Variants in BLOC1S6 observed in about 807,000 individuals in gnomAD.
BLOC1S6 encodes the protein biogenesis of lysosomal organelles complex 1 subunit 6, also known as biogenesis of lysosome-related organelles complex 1 subunit 6.
BLOC1S6 carries 24 observed loss-of-function variants against 24.7 expected under a neutral mutation model. The ratio of observed to expected loss-of-function variants is 0.97; its 90% CI spans 0.70 to 1.37. The LOEUF is 1.37. Ranked by LOEUF, BLOC1S6 falls within the 40% of genes most tolerant of loss-of-function variation. BLOC1S6 has a pLI of 0.00. For missense variants in BLOC1S6, 175 were observed against 196.2 expected, an observed-to-expected ratio of 0.89 and a Z score of 0.64; for synonymous variants, 76 against 72.6, an observed-to-expected ratio of 1.05 and a Z score of -0.23.
rs1323554687 is a variant in BLOC1S6, at chr15:45,607,481, T to A, written c.*967T>A. 1 of 152,102 alleles carries A rather than the reference T, an allele frequency of 6.6e-6. No individual in the cohort carries two copies. The highest frequency in any genetic ancestry group is 1.5e-5 in the Non-Finnish European group (1 of 68,028). 9.4% of individuals were successfully genotyped at this position (152,102 alleles called of 1,614,324 possible). On this transcript the variant is annotated 3_prime_UTR_variant, in exon 5 of 5. Coordinates refer to ENST00000220531, the MANE Select transcript of BLOC1S6 (RefSeq NM_012388.4). ...ATATAGTTTCTGTGCTTGTAAAAAA[T>A]TCTTGAAGTGAGGCCGGGTGCGGTG...
intron 1 of BLOC1S6, 165 bp downstream of exon 1, chr15:45,587,690 GC>G: frequency 1.3e-6 from 1 of 752,636 alleles, no homozygotes; most frequent in African/African-American, 1.7e-5. Flanking sequence ...CGGCCCCTCT[GC>G]CCAGCGCAAT....
chr15:45,592,423 A>G (rs993736535), intron 2 of BLOC1S6, 147 bp downstream of exon 2: 20 of 1,001,172 alleles, frequency 2.0e-5, no homozygotes, highest in Non-Finnish European at 2.9e-5. Flanking sequence ...GCAGATGGGA[A>G]TAGAGGAGTA....
At chr15:45,591,783 C>T (rs1893895219) in intron 1 of BLOC1S6, among the ~76,000 whole-genome samples, 1 of 152,164 alleles carries the variant, frequency 6.6e-6, no homozygotes, top group African/African-American at 2.4e-5. Flanking sequence ...TAGACTTTAC[C>T]TTATAGTAGT....
intron 2 of BLOC1S6, 122 bp downstream of exon 2, chr15:45,592,398 A>T (rs746797749): frequency 8.2e-7 from 1 of 1,216,530 alleles, no homozygotes. Flanking sequence ...GAGTATGTCT[A>T]TATCTTTATT....
intron 3 of BLOC1S6, among the ~76,000 whole-genome samples, chr15:45,605,183 C>T (rs1033348721): frequency 1.3e-5 from 2 of 152,206 alleles, no homozygotes; most frequent in Admixed American, 6.5e-5. Flanking sequence ...CTATGCCCAT[C>T]TTAATATAAA....
rs773318930 is a variant in BLOC1S6, at chr15:45,587,403, C to T, written c.-41C>T. The T allele has an allele frequency of 1.3e-6, 2 of 1,532,020 alleles. No homozygotes were observed. The highest frequency in any genetic ancestry group is 4.9e-5 in the East Asian group (2 of 41,128). The allele number at this position is 1,532,020 out of a possible 1,614,324, so 94.9% of individuals were successfully genotyped here. A position where few individuals can be genotyped will look rare whatever the true frequency, so the allele number is the denominator to read the frequency against. On this transcript the variant is annotated 5_prime_UTR_variant, in exon 1 of 5. Transcript: ENST00000220531. Reference sequence around the variant, plus strand: ...TAGGTGCCGCCTTGCTTCTGACGAGCCACACGTTTGCTTCTTCCCTGTGTT... The same window carrying T: ...TAGGTGCCGCCTTGCTTCTGACGAGTCACACGTTTGCTTCTTCCCTGTGTT...
intron 1 of BLOC1S6, among the ~76,000 whole-genome samples, chr15:45,591,646 A>G (rs4598849): frequency 0.09 from 13,762 of 152,142 alleles, 2,133 homozygotes; most frequent in African/African-American, 0.32. Context: ...AAGTGCTAGG[A>G]TTACAGGTGT....
At chr15:45,597,528 A>T (rs1447855269) in intron 2 of BLOC1S6, among the ~76,000 whole-genome samples, 1 of 152,086 alleles carries the variant, frequency 6.6e-6, no homozygotes, top group Non-Finnish European at 1.5e-5. Flanking sequence ...TCTCTCTATT[A>T]TTTAGATTTT....
Position 45,588,066 on chromosome 15 carries a change from A to G in BLOC1S6, c.82+541A>G, listed in dbSNP as rs539804827. ...CCCAAAATGGTACTATTTATGTACC[A>G]TCCTTGGGAGAACTGAGAAAATGGT... On this transcript the variant is annotated intron_variant, in intron 1 of 4. Transcript: ENST00000220531. Among the ~76,000 whole-genome samples the G allele has an allele frequency of 7.9e-5, 12 of 152,346 alleles. No homozygotes were observed. In the South Asian group the frequency reaches 1.4e-3, roughly 18 times the overall value.
intron 2 of BLOC1S6, among the ~76,000 whole-genome samples, chr15:45,595,812 G>T (rs68044128): frequency 0.22 from 33,608 of 151,978 alleles, 5,583 homozygotes; most frequent in African/African-American, 0.47. Context: ...AGTTAATTTT[G>T]TTTGTTTGTT....
intron 3 of BLOC1S6, among the ~76,000 whole-genome samples, chr15:45,603,731 A>G (rs1413970298): frequency 6.6e-6 from 1 of 152,030 alleles, no homozygotes; most frequent in African/African-American, 2.4e-5. Flanking sequence ...CAAACAAACA[A>G]AAAGAGCGAA....
At chr15:45,599,408 T>C (rs1266900230) in intron 2 of BLOC1S6, 1 of 114,134 alleles carries the variant, frequency 8.8e-6, no homozygotes, top group Non-Finnish European at 1.6e-5. Flanking sequence ...ACCTACAACA[T>C]GGGAGAAAAT....
intron 2 of BLOC1S6, chr15:45,598,142 A>G (rs1894145671): frequency 6.5e-6 from 1 of 155,016 alleles, no homozygotes. Flanking sequence ...ACAACCCTTC[A>G]TGCTAAAAAC....
At chr15:45,587,258 T>C, upstream of BLOC1S6, 1 of 645,868 alleles carries the variant, frequency 1.5e-6, no homozygotes, top group Non-Finnish European at 2.8e-6. Flanking sequence ...CAGCGCGGGG[T>C]CCCCACAACG....
chr15:45,600,322 A>G (rs912628435), intron 2 of BLOC1S6, among the ~76,000 whole-genome samples: 1 of 151,080 alleles, frequency 6.6e-6, no homozygotes, highest in Non-Finnish European at 1.5e-5. Context: ...CCTAAAACTT[A>G]AAGTATAATA....
At chr15:45,589,517 C>T (rs748933209) in intron 1 of BLOC1S6, among the ~76,000 whole-genome samples, 20 of 152,358 alleles carry the variant, frequency 1.3e-4, no homozygotes, top group Non-Finnish European at 2.5e-4. Flanking sequence ...TTTTCTTAGA[C>T]TTCCCTAATG....
In BLOC1S6 at chr15:45,609,042, A is replaced by G. The variant is rs1229037599; in HGVS notation, c.*2528A>G. On this transcript the variant is annotated 3_prime_UTR_variant, in exon 5 of 5. Transcript: ENST00000220531. ...TCAGAATTGTATTTCAGTTTTGAAG[A>G]TTTAAAAAAAATGTGAAAATAAATA... 1 of 152,236 alleles carries G rather than the reference A, an allele frequency of 6.6e-6. No homozygotes were observed. The highest frequency in any genetic ancestry group is 1.9e-4 in the East Asian group (1 of 5,204). The allele number at this position is 152,236 out of a possible 1,614,324, so 9.4% of individuals were successfully genotyped here. A position where few individuals can be genotyped will look rare whatever the true frequency, so the allele number is the denominator to read the frequency against.
Position 45,606,629 on chromosome 15 carries a change from A to G in BLOC1S6, c.*115A>G, listed in dbSNP as rs1225827517. ...CATTATGTCATATGTTGAAATCCTT[A>G]TTCCGGTATTACTGTGTCTCCATGC... On this transcript the variant is annotated 3_prime_UTR_variant, in exon 5 of 5. Transcript: ENST00000220531. The G allele has an allele frequency of 3.3e-5, 48 of 1,442,636 alleles. No homozygotes were observed. The highest frequency in any genetic ancestry group is 4.6e-5 in the Non-Finnish European group (47 of 1,029,268). The allele number at this position is 1,442,636 out of a possible 1,614,324, so 89.4% of individuals were successfully genotyped here.
At chr15:45,602,317 A>G in intron 2 of BLOC1S6, 1 of 663,376 alleles carries the variant, frequency 1.5e-6, no homozygotes, top group Non-Finnish European at 2.7e-6. Context: ...TTCTCTAGAT[A>G]GCACAGTTTT....
Sources: allele counts gnomAD v4.1 joint callset (sites outside exome capture counted in the v4.1 genomes callset), GRCh38; gene constraint gnomAD v4.1.1; transcripts MANE v1.5; gene names NCBI Gene and HGNC (gene_info 2026-07-23, HGNC 2026-07-21).